PJA2: variants seen among roughly 807,000 people sequenced by gnomAD.
PJA2 encodes E3 ubiquitin-protein ligase Praja-2.
Under a neutral mutation model 69.3 loss-of-function variants are expected in PJA2, and 25 were observed. The ratio of observed to expected loss-of-function variants is 0.36; its 90% CI spans 0.26 to 0.50. PJA2 has a LOEUF of 0.50. PJA2 is among the 20% of genes least tolerant of loss of function. PJA2 has a pLI of 0.96. For synonymous variants in PJA2, 308 were observed against 277.8 expected (o/e 1.11, Z -1.08); for missense variants, 809 against 830.2 (o/e 0.97, Z 0.31).
In PJA2 at chr5:109,335,264, T is replaced by C. The variant is rs137961181; in HGVS notation, c.*1967A>G. 4.2e-3 allele frequency: 644 copies of C among 152,736 alleles called. 5 individuals carry two copies. The highest frequency in any genetic ancestry group is 4.2e-3 in the Non-Finnish European group (283 of 68,012). The allele number at this position is 152,736 out of a possible 1,614,324, so 9.5% of individuals were successfully genotyped here. A position where few individuals can be genotyped will look rare whatever the true frequency, so the allele number is the denominator to read the frequency against. On this transcript the variant is annotated 3_prime_UTR_variant, in exon 10 of 10. Transcript: ENST00000361189. ...TTTTCTTCTTCACAGCAGCTGTTTA[T>C]AGATAGTAGGGAGCCAAGAATGAAG...
rs1412781366 is a variant in PJA2, at chr5:109,349,811, A to G, written c.1765-4992T>C. On this transcript the variant is annotated intron_variant, in intron 7 of 9. Transcript: ENST00000361189. ...AATTATCTTTATTTCCTCCTAGCCAATCCCTTGTTACTCTACTTCTTTGTT... is the reference window on the plus strand; with the variant it reads ...AATTATCTTTATTTCCTCCTAGCCAGTCCCTTGTTACTCTACTTCTTTGTT... Among the ~76,000 whole-genome samples, 4 of 152,168 alleles carry G rather than the reference A, an allele frequency of 2.6e-5. No homozygotes were observed. In the East Asian group the frequency reaches 7.8e-4, roughly 29 times the overall value.
chr5:109,343,440 TTAAG>T (rs1317406790), intron 9 of PJA2, among the ~76,000 whole-genome samples: 1 of 150,890 alleles, frequency 6.6e-6, no homozygotes, highest in African/African-American at 2.4e-5. Flanking sequence ...TGGTAGGTTA[TTAAG>T]TATCTCTCAT....
rs190914863 is a variant in PJA2, at chr5:109,368,137, T to C, written c.1469+424A>G. The stretch of plus-strand genomic sequence containing the variant: ...AAATGTTTATCATCAATCACTGATA[T>C]TTTGGAGATCTCATCCAATGCAATT... On this transcript the variant is annotated intron_variant, in intron 5 of 9. Coordinates refer to ENST00000361189, the MANE Select transcript of PJA2 (RefSeq NM_014819.5). Among the ~76,000 whole-genome samples the C allele has an allele frequency of 5.5e-4, 84 of 152,330 alleles. 1 individual carries two copies. Among genetic ancestry groups the C allele is most frequent in the African/African-American group, 1.8e-3 (75 of 41,572 alleles).
intron 1 of PJA2, among the ~76,000 whole-genome samples, chr5:109,396,729 T>A (rs1016976880): frequency 8.9e-6 from 1 of 111,852 alleles, no homozygotes; most frequent in African/African-American, 3.5e-5. Flanking sequence ...CGGCCTAACA[T>A]GTAAAGTTCT....
chr5:109,399,232 T>C (rs1336912228), intron 1 of PJA2, among the ~76,000 whole-genome samples: 1 of 146,970 alleles, frequency 6.8e-6, no homozygotes, highest in South Asian at 2.1e-4. Context: ...AAAAAAGATA[T>C]GAGGCAGAGT....
At chr5:109,409,587 C>G (rs894116115) in intron 1 of PJA2, among the ~76,000 whole-genome samples, 1 of 152,038 alleles carries the variant, frequency 6.6e-6, no homozygotes, top group East Asian at 1.9e-4. Context: ...TGTCGGGGGG[C>G]GGCGGGCGCG....
intron 7 of PJA2, among the ~76,000 whole-genome samples, chr5:109,355,460 T>C (rs551343845): frequency 3.9e-5 from 6 of 152,334 alleles, no homozygotes; most frequent in Admixed American, 6.5e-5. Flanking sequence ...GCCCCACTTA[T>C]TAAAGTGTGT....
intron 1 of PJA2, among the ~76,000 whole-genome samples, chr5:109,398,041 A>T (rs145067849): frequency 0.021 from 3,170 of 152,332 alleles, 112 homozygotes; most frequent in African/African-American, 0.072. Context: ...GCCAAGAGAC[A>T]TATGAAAAAA....
intron 5 of PJA2, among the ~76,000 whole-genome samples, chr5:109,364,350 G>A (rs529398108): frequency 3.9e-4 from 60 of 152,076 alleles, no homozygotes; most frequent in Non-Finnish European, 8.2e-4. Context: ...TCGGCCGGGC[G>A]CGGTGGCTCA....
intron 5 of PJA2, among the ~76,000 whole-genome samples, chr5:109,367,027 G>C (rs949746170): frequency 1.3e-5 from 2 of 151,732 alleles, no homozygotes; most frequent in African/African-American, 4.8e-5. Flanking sequence ...CGCTACTCAG[G>C]AGGCTGAGGC....
rs1761931109 is a variant in PJA2 at position 109,335,937 on chromosome 5, T to C, written c.*1294A>G. 6.6e-6 allele frequency: 1 copy of C among 152,642 alleles called. No individual in the cohort carries two copies. Among genetic ancestry groups the C allele is most frequent in the Non-Finnish European group, 1.5e-5 (1 of 68,022 alleles). 9.5% of individuals were successfully genotyped at this position (152,642 alleles called of 1,614,324 possible). On this transcript the variant is annotated 3_prime_UTR_variant, in exon 10 of 10. Coordinates refer to ENST00000361189, the MANE Select transcript of PJA2 (RefSeq NM_014819.5). ...ACACATTTACAATATATGCAAAAAT[T>C]AGAATGCAAGTGTTATGTTCCTTAT...
At position 109,353,543 on chromosome 5, in the gene PJA2, A is replaced by G. The variant is rs1029162707; in HGVS notation, c.1764+2372T>C. Among the ~76,000 whole-genome samples, 3 of 116,318 alleles carry G rather than the reference A, an allele frequency of 2.6e-5. 1 individual carries two copies. The highest frequency in any genetic ancestry group is 1.6e-4 in the African/African-American group (3 of 18,294). The allele number at this position is 116,318 out of a possible 152,430, so 76.3% of individuals were successfully genotyped here. ...ATATTAGATATCTATAATATCATAG[A>G]TATCTATATATTAGATATCTATAAT... On this transcript the variant is annotated intron_variant, in intron 7 of 9. Coordinates refer to ENST00000361189, the MANE Select transcript of PJA2 (RefSeq NM_014819.5).
chr5:109,393,536 GTT>G (rs1747329686), intron 1 of PJA2, among the ~76,000 whole-genome samples: 2 of 152,120 alleles, frequency 1.3e-5, no homozygotes, highest in South Asian at 4.1e-4. Flanking sequence ...ATGGCAGGCT[GTT>G]GAGGGTGACT....
rs537602105 is a variant in PJA2 at position 109,406,075 on chromosome 5, G to A, written c.-88+3767C>T. Among the ~76,000 whole-genome samples the A allele has an allele frequency of 1.1e-4, 14 of 129,254 alleles. No individual in the cohort carries two copies. In the South Asian group the frequency reaches 2.1e-3, roughly 19 times the overall value. 84.8% of individuals were successfully genotyped at this position (129,254 alleles called of 152,430 possible). On this transcript the variant is annotated intron_variant, in intron 1 of 9. Coordinates refer to ENST00000361189, the MANE Select transcript of PJA2 (RefSeq NM_014819.5). Reference sequence around the variant, plus strand: ...TTTTTTTTTTTTGAGACGGAGTCTCGCTCTGTCGCCCAGGCTGGAGTGCAG... The same window carrying A: ...TTTTTTTTTTTTGAGACGGAGTCTCACTCTGTCGCCCAGGCTGGAGTGCAG...
At chr5:109,392,331 C>T (rs1029666425) in intron 1 of PJA2, among the ~76,000 whole-genome samples, 5 of 119,196 alleles carry the variant, frequency 4.2e-5, no homozygotes, top group African/African-American at 1.2e-4. Flanking sequence ...GAAGCCGAGG[C>T]GGGTGGATCA....
chr5:109,354,678 G>C (rs562106484), intron 7 of PJA2, among the ~76,000 whole-genome samples: 17 of 145,780 alleles, frequency 1.2e-4, no homozygotes, highest in African/African-American at 3.5e-4. Context: ...CAATATATTA[G>C]AGATCATTTA....
intron 3 of PJA2, among the ~76,000 whole-genome samples, chr5:109,380,233 G>C (rs527669685): frequency 1.3e-5 from 2 of 151,466 alleles, no homozygotes; most frequent in East Asian, 3.9e-4. Context: ...AGCTGGGAAC[G>C]AAGGGTTCTT....
At chr5:109,402,257 C>T (rs1747569847) in intron 1 of PJA2, among the ~76,000 whole-genome samples, 1 of 152,046 alleles carries the variant, frequency 6.6e-6, no homozygotes, top group African/African-American at 2.4e-5. Flanking sequence ...AGTCTAAACA[C>T]TTCAATGTAA....
At chr5:109,345,528 A>AAC (rs1402046311) in intron 7 of PJA2, among the ~76,000 whole-genome samples, 5 of 151,668 alleles carry the variant, frequency 3.3e-5, no homozygotes, top group African/African-American at 4.8e-5. Context: ...AAAAAAAAAA[A>AAC]AAAAAACTAC....
Sources: allele counts gnomAD v4.1 joint callset (sites outside exome capture counted in the v4.1 genomes callset), GRCh38; gene constraint gnomAD v4.1.1; transcripts MANE v1.5; gene names NCBI Gene and HGNC (gene_info 2026-07-23, HGNC 2026-07-21).